The following CDH23 variants were observed in gnomAD, a reference collection of about 807,000 sequenced individuals.
CDH23 encodes the protein cadherin related 23, also known as cadherin-23.
CDH23 carries 189 observed loss-of-function variants against 317.1 expected under a neutral mutation model. The ratio of observed to expected loss-of-function variants is 0.60; its 90% CI spans 0.53 to 0.67. CDH23 has a LOEUF of 0.67. CDH23 is among the 30% of genes least tolerant of loss of function. The probability of loss-of-function intolerance (pLI) is 0.00; values close to 1 mark genes in which losing one functional copy is unlikely to be tolerated. For synonymous variants in CDH23, 1,839 were observed against 1,876.8 expected (o/e 0.98, Z 0.52); for missense variants, 4,401 against 4,592.4 (o/e 0.96, Z 1.20).
intron 53 of CDH23, among the ~76,000 whole-genome samples, chr10:71,801,534 G>A (rs910277675): frequency 2.6e-5 from 4 of 152,018 alleles, no homozygotes; most frequent in African/African-American, 9.7e-5. Flanking sequence ...CAGCTGTTCT[G>A]AGGCCAGCAT....
At chr10:71,787,578 C>A (rs906049967) in intron 44 of CDH23, among the ~76,000 whole-genome samples, 1 of 152,184 alleles carries the variant, frequency 6.6e-6, no homozygotes, top group Admixed American at 6.5e-5. Context: ...GACTCTTATT[C>A]CATTCTGTAT....
intron 1 of CDH23, among the ~76,000 whole-genome samples, chr10:71,413,265 CT>C (rs1848411048): frequency 6.6e-6 from 1 of 152,092 alleles, no homozygotes; most frequent in Admixed American, 6.6e-5. Context: ...TCTTAGCACC[CT>C]TGTTAAAAAT....
intron 9 of CDH23, among the ~76,000 whole-genome samples, chr10:71,608,046 A>G (rs1437160138): frequency 6.6e-6 from 1 of 152,202 alleles, no homozygotes; most frequent in Non-Finnish European, 1.5e-5. Context: ...GTGAGGTAGG[A>G]GTTGTTATCC....
In CDH23 at chr10:71,615,519, TC is replaced by T. The variant is rs1861132418; in HGVS notation, c.849del (p.Phe284LeufsTer10). ...TCTCTTGCAGGGAATACCAACAGCA[TC>T]TTTGCCCTGGACTACATCAGCGGAG... ...YTIVSGNTNS[I>X]FALDYISGVL... On this transcript the variant is annotated frameshift_variant, in exon 10 of 70. Transcript: ENST00000224721. LOFTEE classifies it high-confidence loss of function. 2 of 1,610,302 alleles carry T rather than the reference TC, an allele frequency of 1.2e-6. No individual in the cohort carries two copies. The highest frequency in any genetic ancestry group is 1.7e-6 in the Non-Finnish European group (2 of 1,177,898).
At chr10:71,800,930 T>C (rs371768128) in intron 53 of CDH23, among the ~76,000 whole-genome samples, 175 bp downstream of exon 53, 4 of 152,158 alleles carry the variant, frequency 2.6e-5, no homozygotes, top group Non-Finnish European at 5.9e-5. Context: ...ACAATGGCTG[T>C]GGCTTAGGAA....
chr10:71,738,669 C>T (rs1839639899), intron 35 of CDH23, 22 bp downstream of exon 35: 1 of 1,608,522 alleles, frequency 6.2e-7, no homozygotes, highest in African/African-American at 1.3e-5. Flanking sequence ...AGTGAAACAG[C>T]CAGGATCCAC....
chr10:71,686,703 C>T lies in CDH23; in HGVS notation c.1987-944C>T, dbSNP rs1020387899. Among the ~76,000 whole-genome samples the T allele has an allele frequency of 7.9e-5, 12 of 152,238 alleles. No individual in the cohort carries two copies. The South Asian group carries it at 1.0e-3, about 13-fold the overall frequency. On this transcript the variant is annotated intron_variant, in intron 18 of 69. Coordinates refer to ENST00000224721, the MANE Select transcript of CDH23 (RefSeq NM_022124.6). ...AGACTGTAACATAAAGACTGCCCAACGGTGCCGGGACTCAGCCTGACTCCT... is the reference window on the plus strand; with the variant it reads ...AGACTGTAACATAAAGACTGCCCAATGGTGCCGGGACTCAGCCTGACTCCT...
chr10:71,597,227 G>A (rs1282570734), intron 9 of CDH23, among the ~76,000 whole-genome samples: 2 of 152,102 alleles, frequency 1.3e-5, no homozygotes, highest in Non-Finnish European at 2.9e-5. Context: ...GAGCAGAGCA[G>A]GCATCGCCAC....
intron 11 of CDH23, among the ~76,000 whole-genome samples, chr10:71,643,477 G>A (rs971187842): frequency 2.2e-4 from 34 of 152,290 alleles, no homozygotes; most frequent in Admixed American, 6.5e-4. Flanking sequence ...GATGTAGGAT[G>A]TAGGGATGGC....
intron 3 of CDH23, among the ~76,000 whole-genome samples, chr10:71,467,136 C>T (rs1003972465): frequency 6.6e-5 from 10 of 151,476 alleles, no homozygotes; most frequent in South Asian, 2.1e-4. Flanking sequence ...AATGGCTCCG[C>T]GAGCCCCTTC....
chr10:71,669,117 A>AT (rs1346397256), intron 14 of CDH23, among the ~76,000 whole-genome samples: 26 of 152,206 alleles, frequency 1.7e-4, no homozygotes. Flanking sequence ...CTGAGCGGCC[A>AT]TTGATCTTCA....
intron 3 of CDH23, among the ~76,000 whole-genome samples, chr10:71,487,968 C>T (rs7071235): frequency 0.024 from 3,595 of 152,346 alleles, 137 homozygotes; most frequent in African/African-American, 0.081. Flanking sequence ...CCACCCTGTG[C>T]GTACACCATC....
At position 71,702,684 on chromosome 10, in the gene CDH23, C is replaced by G; in HGVS notation, c.2723C>G (p.Ser908Cys). Reference protein sequence around the residue: ...EVLEGIPAGVSIYQVVAIDLD... With the variant: ...EVLEGIPAGVCIYQVVAIDLD... Reference sequence around the variant, plus strand: ...CTTGAAGGCATCCCGGCGGGGGTCTCCATCTACCAAGTGAGTCTCTATCAT... The same window carrying G: ...CTTGAAGGCATCCCGGCGGGGGTCTGCATCTACCAAGTGAGTCTCTATCAT... The change falls in exon 24 of 70, where the codon TCC (serine) becomes TGC (cysteine). Residue 908 changes from serine (S) to cysteine (C), a missense_variant. Ser to Cys is a moderately radical substitution (Grantham distance 112). Coordinates refer to ENST00000224721, the MANE Select transcript of CDH23 (RefSeq NM_022124.6). 6.2e-7 allele frequency: 1 copy of G among 1,613,724 alleles called. No homozygotes were observed. Among genetic ancestry groups the G allele is most frequent in the Non-Finnish European group, 8.5e-7 (1 of 1,179,870 alleles).
At chr10:71,601,276 T>C (rs1489871365) in intron 9 of CDH23, among the ~76,000 whole-genome samples, 1 of 152,260 alleles carries the variant, frequency 6.6e-6, no homozygotes, top group Non-Finnish European at 1.5e-5. Context: ...ACAAGCCTTA[T>C]GACTTTTTCA....
chr10:71,722,775 C>T (rs1412746938), intron 28 of CDH23, among the ~76,000 whole-genome samples: 1 of 152,120 alleles, frequency 6.6e-6, no homozygotes, highest in Non-Finnish European at 1.5e-5. Context: ...GAGAGCTTGC[C>T]AGGAAACAGC....
At chr10:71,526,957 CG>C (rs1392784484) in intron 6 of CDH23, among the ~76,000 whole-genome samples, 1 of 152,142 alleles carries the variant, frequency 6.6e-6, no homozygotes, top group Non-Finnish European at 1.5e-5. Context: ...TCTCGAGTGT[CG>C]GGCGCATGTG....
chr10:71,721,840 A>C (rs1303247569), intron 28 of CDH23, among the ~76,000 whole-genome samples: 2 of 152,180 alleles, frequency 1.3e-5, no homozygotes, highest in Non-Finnish European at 2.9e-5. Flanking sequence ...CTGTCCCTGC[A>C]TGAGCCCTTC....
intron 6 of CDH23, among the ~76,000 whole-genome samples, chr10:71,553,753 G>C (rs539416290): frequency 4.6e-5 from 7 of 152,360 alleles, no homozygotes; most frequent in Admixed American, 1.3e-4. Flanking sequence ...ATCATGCAAA[G>C]GAATGAATTT....
At chr10:71,717,109 G>A (rs552851486) in intron 28 of CDH23, 4 of 152,262 alleles carry the variant, frequency 2.6e-5, no homozygotes, top group South Asian at 2.1e-4. Context: ...TTGCTCCCAC[G>A]ACAGGTGGGA....
Sources: allele counts gnomAD v4.1 joint callset (sites outside exome capture counted in the v4.1 genomes callset), GRCh38; gene constraint gnomAD v4.1.1; transcripts MANE v1.5; gene names NCBI Gene and HGNC (gene_info 2026-07-23, HGNC 2026-07-21).